TMEM131L: variants seen among roughly 807,000 people sequenced by gnomAD.
The protein encoded by TMEM131L is transmembrane 131 like.
In TMEM131L, 54 loss-of-function variants were observed where a neutral mutation model predicts 192.2. The ratio of observed to expected loss-of-function variants is 0.28; its 90% CI spans 0.23 to 0.35. TMEM131L has a LOEUF of 0.35. TMEM131L is among the 10% of genes least tolerant of loss of function. The pLI is 1.00. For missense variants in TMEM131L, 1,888 were observed against 1,972.9 expected, an observed-to-expected ratio of 0.96 and a Z score of 0.82; for synonymous variants, 701 against 704.9, an observed-to-expected ratio of 0.99 and a Z score of 0.09.
chr4:153,474,383 G>GC (rs1413473498), intron 3 of TMEM131L, among the ~76,000 whole-genome samples: 2 of 152,236 alleles, frequency 1.3e-5, no homozygotes, highest in Non-Finnish European at 2.9e-5. Flanking sequence ...GGAAACAGGA[G>GC]CAGCCACACA....
intron 3 of TMEM131L, among the ~76,000 whole-genome samples, chr4:153,531,655 A>G (rs559206944): frequency 6.6e-6 from 1 of 152,258 alleles, no homozygotes; most frequent in Non-Finnish European, 1.5e-5. Context: ...ATTTTATTGT[A>G]TAAAGTGCTG....
chr4:153,604,003 C>T lies in TMEM131L; in HGVS notation c.2991C>T (p.Ser997=). The change falls in exon 25 of 35, where the codon AGC becomes AGT. Residue 997 remains serine, a synonymous_variant. Transcript: ENST00000409959. Reference sequence around the variant, plus strand: ...AAACCAGCACAGCTGCGGCCAGCAGCACCAGCACGACTACTGAGGAAAAAC... The same window carrying T: ...AAACCAGCACAGCTGCGGCCAGCAGTACCAGCACGACTACTGAGGAAAAAC... The part of the protein sequence containing the change: ...KHKTSTAAAS[S]TSTTTEEKQT... 1.9e-6 allele frequency: 3 copies of T among 1,614,124 alleles called. No individual in the cohort carries two copies. Among genetic ancestry groups the T allele is most frequent in the Non-Finnish European group, 2.5e-6 (3 of 1,180,008 alleles).
chr4:153,502,234 G>A (rs888024875), intron 3 of TMEM131L, among the ~76,000 whole-genome samples: 4 of 152,112 alleles, frequency 2.6e-5, no homozygotes, highest in African/African-American at 7.2e-5. Context: ...GTGAACCACC[G>A]CGGCTGTCCC....
chr4:153,543,592 C>G (rs1270043930), intron 3 of TMEM131L, among the ~76,000 whole-genome samples: 1 of 152,136 alleles, frequency 6.6e-6, no homozygotes, highest in Non-Finnish European at 1.5e-5. Flanking sequence ...GTATAGACAC[C>G]CCCCAGGCTG....
intron 3 of TMEM131L, among the ~76,000 whole-genome samples, chr4:153,480,517 CAAAAAAA>C (rs1157080931): frequency 3.9e-5 from 2 of 50,756 alleles, no homozygotes; most frequent in Non-Finnish European, 7.5e-5. Flanking sequence ...GACTCCATCT[CAAAAAAA>C]AAAAAAAAAA....
intron 3 of TMEM131L, among the ~76,000 whole-genome samples, chr4:153,508,817 T>A (rs1734159923): frequency 6.6e-6 from 1 of 151,888 alleles, no homozygotes; most frequent in African/African-American, 2.4e-5. Flanking sequence ...GCTAATTTTT[T>A]ATTTTTCATA....
rs535214660 is a variant in TMEM131L, at chr4:153,555,252, A to G, written c.309-535A>G. Among the ~76,000 whole-genome samples, 26 of 152,332 alleles carry G rather than the reference A, an allele frequency of 1.7e-4. No homozygotes were observed. The highest frequency in any genetic ancestry group is 4.1e-4 in the South Asian group (2 of 4,828). On this transcript the variant is annotated intron_variant, in intron 4 of 34. Transcript: ENST00000409959. The surrounding 1 kb of genome is among the most constrained non-coding windows in gnomAD (Gnocchi z 4.1). ...ACATCTCTTTGTGAGCTGAAAATAC[A>G]TACCTCCCCAAAAAGTCTCTTTTAC...
intron 7 of TMEM131L, among the ~76,000 whole-genome samples, chr4:153,563,603 G>A (rs1728991844): frequency 1.3e-5 from 2 of 151,568 alleles, no homozygotes; most frequent in African/African-American, 4.9e-5. Context: ...GAGTAGGTGA[G>A]ATCACAGGTG....
At chr4:153,469,342 T>G (rs1447898080) in intron 2 of TMEM131L, among the ~76,000 whole-genome samples, 1 of 91,044 alleles carries the variant, frequency 1.1e-5, no homozygotes, top group Non-Finnish European at 2.0e-5. Context: ...CACACACACG[T>G]GTGTATGTGT....
intron 2 of TMEM131L, among the ~76,000 whole-genome samples, chr4:153,473,074 G>A (rs1217694472): frequency 6.6e-6 from 1 of 152,212 alleles, no homozygotes; most frequent in East Asian, 1.9e-4. Flanking sequence ...CCAGGTGCTT[G>A]CCGCAATGTG....
intron 26 of TMEM131L, among the ~76,000 whole-genome samples, chr4:153,613,160 G>A (rs973361703): frequency 6.6e-6 from 1 of 152,160 alleles, no homozygotes; most frequent in Non-Finnish European, 1.5e-5. Flanking sequence ...GAAATCATAA[G>A]CTGTTCTTGT....
intron 2 of TMEM131L, among the ~76,000 whole-genome samples, chr4:153,470,994 T>C (rs940373550): frequency 6.7e-6 from 1 of 149,736 alleles, no homozygotes; most frequent in Admixed American, 6.7e-5. Context: ...TTTGTTTTCT[T>C]TTTTTTTTTT....
intron 3 of TMEM131L, among the ~76,000 whole-genome samples, chr4:153,513,227 G>C (rs940170143): frequency 6.6e-6 from 1 of 152,154 alleles, no homozygotes; most frequent in African/African-American, 2.4e-5. Flanking sequence ...TGCCTTTTTT[G>C]TTGCCTTCGC....
chr4:153,544,660 G>A (rs1207828138), intron 3 of TMEM131L, among the ~76,000 whole-genome samples: 1 of 152,194 alleles, frequency 6.6e-6, no homozygotes, highest in Non-Finnish European at 1.5e-5. Context: ...AGCAGCCTTT[G>A]TTCAGTGTCC....
chr4:153,535,656 T>C (rs772177306), intron 3 of TMEM131L, among the ~76,000 whole-genome samples: 3 of 152,182 alleles, frequency 2.0e-5, no homozygotes, highest in Non-Finnish European at 4.4e-5. Flanking sequence ...AACTATAAGC[T>C]GTATTTAGGA....
chr4:153,593,295 G>A (rs1412751391), intron 18 of TMEM131L, among the ~76,000 whole-genome samples: 1 of 151,574 alleles, frequency 6.6e-6, no homozygotes. Flanking sequence ...GGACCAGATG[G>A]TTCTACCATT....
chr4:153,626,508 C>T (rs1733854313), intron 30 of TMEM131L, among the ~76,000 whole-genome samples: 1 of 152,118 alleles, frequency 6.6e-6, no homozygotes, highest in African/African-American at 2.4e-5. Context: ...GTAATCCTAG[C>T]ACTTTGGGAG....
chr4:153,555,315 G>A lies in TMEM131L; in HGVS notation c.309-472G>A, dbSNP rs1452197822. ...ACCCTAAGAAAAATTGGGTTTTTCT[G>A]TGAGTACAGTTTCTTACCTAAACAT... On this transcript the variant is annotated intron_variant, in intron 4 of 34. Transcript: ENST00000409959. The surrounding 1 kb of genome is among the most constrained non-coding windows in gnomAD (Gnocchi z 4.1). 6.6e-6 allele frequency among the ~76,000 whole-genome samples: 1 copy of A among 152,148 alleles called. No individual in the cohort carries two copies. The highest frequency in any genetic ancestry group is 2.4e-5 in the African/African-American group (1 of 41,430).
intron 3 of TMEM131L, among the ~76,000 whole-genome samples, chr4:153,535,935 G>A (rs1736284938): frequency 6.6e-6 from 1 of 152,022 alleles, no homozygotes; most frequent in Non-Finnish European, 1.5e-5. Flanking sequence ...TTTTCATGTT[G>A]CTGTTTACAA....
Sources: gnomAD v4.1 joint callset for allele counts (sites outside exome capture counted in the v4.1 genomes callset) on GRCh38, gnomAD v4.1.1 for gene constraint, Gnocchi (gnomAD v3.1) non-coding constraint, MANE v1.5 for transcripts, NCBI Gene and HGNC (gene_info 2026-07-23, HGNC 2026-07-21) for gene names.